ATP13A4: variants seen among roughly 807,000 people sequenced by gnomAD.
ATP13A4 encodes probable cation-transporting ATPase 13A4.
In ATP13A4, 114 loss-of-function variants were observed where a neutral mutation model predicts 142.5. The observed-to-expected ratio is 0.80, with a 90% CI of 0.69 to 0.93. ATP13A4 has a LOEUF of 0.93. ATP13A4 is among the 40% of genes least tolerant of loss of function. The pLI is 0.00. For missense variants in ATP13A4, 1,392 were observed against 1,454.0 expected (o/e 0.96, Z 0.69); for synonymous variants, 488 against 514.8 (o/e 0.95, Z 0.70).
chr3:193,525,031 G>C (rs776323029), intron 1 of ATP13A4, among the ~76,000 whole-genome samples: 1 of 152,166 alleles, frequency 6.6e-6, no homozygotes, highest in Non-Finnish European at 1.5e-5. Context: ...AGCTTCAAAA[G>C]AGCAGAACAG....
intron 12 of ATP13A4, among the ~76,000 whole-genome samples, chr3:193,463,038 T>C (rs1718050265): frequency 6.6e-6 from 1 of 151,028 alleles, no homozygotes; most frequent in Admixed American, 6.6e-5. Context: ...TGCAGATAAA[T>C]AAGGTATTTT....
intron 2 of ATP13A4, among the ~76,000 whole-genome samples, chr3:193,569,241 G>C (rs1724205973): frequency 6.6e-6 from 1 of 152,166 alleles, no homozygotes; most frequent in Admixed American, 6.5e-5. Flanking sequence ...GTCTAATAGT[G>C]AGAAAAATGT....
At chr3:193,539,719 A>G (rs1237109656) in intron 1 of ATP13A4, among the ~76,000 whole-genome samples, 1 of 152,254 alleles carries the variant, frequency 6.6e-6, no homozygotes, top group African/African-American at 2.4e-5. Context: ...TTGCACCTGT[A>G]GTGATAGTGC....
intron 2 of ATP13A4, among the ~76,000 whole-genome samples, chr3:193,574,085 C>A (rs887254070): frequency 1.3e-5 from 2 of 152,052 alleles, no homozygotes; most frequent in Non-Finnish European, 2.9e-5. Context: ...GAAATTCATT[C>A]TAAAAAAGTT....
chr3:193,474,854 A>C (rs1718873210), intron 8 of ATP13A4, among the ~76,000 whole-genome samples: 1 of 151,960 alleles, frequency 6.6e-6, no homozygotes, highest in Admixed American at 6.5e-5. Context: ...TATTCTCAAG[A>C]AGTTCTAGAA....
At chr3:193,472,835 C>T (rs1380443766) in intron 8 of ATP13A4, among the ~76,000 whole-genome samples, 1 of 152,196 alleles carries the variant, frequency 6.6e-6, no homozygotes, top group East Asian at 1.9e-4. Flanking sequence ...CGTTAATCAG[C>T]CAGGTTTCTC....
intron 25 of ATP13A4, among the ~76,000 whole-genome samples, chr3:193,433,113 T>C (rs1243105607): frequency 6.6e-6 from 1 of 152,222 alleles, no homozygotes; most frequent in Non-Finnish European, 1.5e-5. Context: ...GATTTTCCTT[T>C]AGCTGAGCTA....
At chr3:193,560,491 AG>A (rs1244212386) in intron 2 of ATP13A4, among the ~76,000 whole-genome samples, 1 of 152,200 alleles carries the variant, frequency 6.6e-6, no homozygotes, top group African/African-American at 2.4e-5. Context: ...GACAGGTGTC[AG>A]CCACCATGCC....
chr3:193,456,786 G>A (rs1576982800), intron 16 of ATP13A4, among the ~76,000 whole-genome samples: 1 of 152,142 alleles, frequency 6.6e-6, no homozygotes, highest in African/African-American at 2.4e-5. Flanking sequence ...TGGGGTGGTG[G>A]CGGGGGATGG....
Position 193,551,263 on chromosome 3 carries a change from A to C in ATP13A4, c.60+3477T>G, listed in dbSNP as rs545658628. 2.0e-5 allele frequency among the ~76,000 whole-genome samples: 3 copies of C among 152,276 alleles called. No homozygotes were observed. The South Asian group carries it at 6.2e-4, about 32-fold the overall frequency. On this transcript the variant is annotated intron_variant, in intron 1 of 29. Transcript: ENST00000342695. ...ACCATCTCTTCTAAAAATACAAAAA[A>C]TTAGCCAGGCATGGTGGCATGCAGC...
At chr3:193,414,457 G>T in intron 26 of ATP13A4, 122 bp downstream of exon 26, 1 of 1,095,998 alleles carries the variant, frequency 9.1e-7, no homozygotes. Flanking sequence ...ATTTGCCCAA[G>T]GGACTTTAAA....
At position 193,407,388 on chromosome 3, in the gene ATP13A4, G is replaced by A. The variant is rs759127889; in HGVS notation, c.3303C>T (p.Leu1101=). The A allele has an allele frequency of 3.7e-6, 6 of 1,612,716 alleles. No individual in the cohort carries two copies. The Admixed American group carries it at 8.3e-5, about 22-fold the overall frequency. The change falls in exon 29 of 30, where the codon CTC becomes CTT. Residue 1101 remains leucine, a synonymous_variant. Transcript: ENST00000342695. ...AGGCCCTCCACAGGACGGGAGTGCA[G>A]AGCAGCTGGCGGGAGATGATGAAGC... ...IPELYRRLDL[L]CTPVLWRASI...
chr3:193,565,371 G>A (rs1724111697), intron 2 of ATP13A4, among the ~76,000 whole-genome samples: 1 of 152,096 alleles, frequency 6.6e-6, no homozygotes, highest in Admixed American at 6.6e-5. Flanking sequence ...CTGTTATTTT[G>A]GGGTACTTTT....
chr3:193,409,505 C>G (rs1714662305), intron 28 of ATP13A4, among the ~76,000 whole-genome samples: 2 of 152,178 alleles, frequency 1.3e-5, no homozygotes, highest in South Asian at 4.1e-4. Context: ...CTGTAAGAAT[C>G]TTCTTCTATT....
rs372184852 is a variant in ATP13A4, at chr3:193,448,323, C to T, written c.2035G>A (p.Val679Ile). 281 of 1,613,872 alleles carry T rather than the reference C, an allele frequency of 1.7e-4. No homozygotes were observed. Among genetic ancestry groups the T allele is most frequent in the Non-Finnish European group, 2.3e-4 (277 of 1,180,000 alleles). The change falls in exon 18 of 30, where the codon GTA (valine) becomes ATA (isoleucine). Residue 679 changes from valine to isoleucine, a missense_variant. Physicochemically the swap from Val to Ile is conservative, Grantham distance 29. Transcript: ENST00000342695. ...CCCAGAAATATCAGGTCTGATTCTA[C>T]CGTCTCCCTGAAAATACATATATAG... is the stretch of plus-strand genomic sequence containing the variant. The part of the protein sequence containing the change: ...HHATTLTRET[V>I]ESDLIFLGLL...
chr3:193,518,021 C>CT (rs1476997156), intron 1 of ATP13A4, among the ~76,000 whole-genome samples: 2 of 152,182 alleles, frequency 1.3e-5, no homozygotes, highest in African/African-American at 4.8e-5. Flanking sequence ...AGTCTCATTT[C>CT]TTTTTTACCT....
chr3:193,483,160 C>T (rs892068023), intron 8 of ATP13A4, among the ~76,000 whole-genome samples: 1 of 152,012 alleles, frequency 6.6e-6, no homozygotes, highest in Admixed American at 6.5e-5. Context: ...ATAAAAGACC[C>T]AAAGAATACA....
intron 8 of ATP13A4, among the ~76,000 whole-genome samples, chr3:193,482,731 T>G (rs552757810): frequency 5.9e-5 from 9 of 152,234 alleles, no homozygotes; most frequent in African/African-American, 1.9e-4. Flanking sequence ...TGGCCAAAAT[T>G]AAAATGAGTA....
At chr3:193,589,088 C>G (rs1054967647) in intron 1 of ATP13A4, among the ~76,000 whole-genome samples, 3 of 151,814 alleles carry the variant, frequency 2.0e-5, no homozygotes, top group Admixed American at 2.0e-4. Flanking sequence ...TACAGTGAGC[C>G]GAGATTGTGC....
Sources: allele counts gnomAD v4.1 joint callset (sites outside exome capture counted in the v4.1 genomes callset), GRCh38; gene constraint gnomAD v4.1.1; transcripts MANE v1.5; gene names NCBI Gene and HGNC (gene_info 2026-07-23, HGNC 2026-07-21).